Variants in KRT8 observed in about 807,000 individuals in gnomAD.
KRT8 encodes the protein keratin, type II cytoskeletal 8.
In KRT8, 24 loss-of-function variants were observed where a neutral mutation model predicts 43.0. That is an observed-to-expected ratio of 0.56 (90% CI 0.40 to 0.78). The LOEUF (loss-of-function observed/expected upper bound fraction) is 0.78. Ranked by LOEUF, KRT8 falls within the 30% of genes least tolerant of loss-of-function variation. The pLI is 0.00. For missense variants in KRT8, 492 were observed against 638.4 expected (o/e 0.77, Z 2.47); for synonymous variants, 214 against 261.2 (o/e 0.82, Z 1.74).
exon 8 of KRT8, chr12:52,897,541 C>T (rs757085789): frequency 8.3e-6 from 13 of 1,573,190 alleles, no homozygotes; most frequent in African/African-American, 6.7e-5. Flanking sequence ...CTGGAGCCCG[C>T]GCCAGAGCCA....
In KRT8 at chr12:52,949,169, A is replaced by C. The variant is rs758542679; in HGVS notation, c.-47+287T>G. The C allele has an allele frequency of 2.7e-5, 44 of 1,611,286 alleles. 2 individuals are homozygous for C. In the Middle Eastern group the frequency reaches 1.6e-3, roughly 58 times the overall value. On this transcript the variant is annotated intron_variant, in intron 2 of 6. Transcript: ENST00000546826. ...AGTCCTGTCCTTTCTCTCTCCCCGG[A>C]CAGCATGAGCTTCACCACTCGCTCC...
intron 2 of KRT8, among the ~76,000 whole-genome samples, chr12:52,944,942 G>T (rs897103082): frequency 6.6e-6 from 1 of 152,182 alleles, no homozygotes; most frequent in African/African-American, 2.4e-5. Context: ...CTGCTCCGCA[G>T]CTGCCTCTGA....
intron 2 of KRT8, among the ~76,000 whole-genome samples, chr12:52,923,885 C>T (rs1203813842): frequency 6.6e-6 from 1 of 151,646 alleles, no homozygotes; most frequent in Non-Finnish European, 1.5e-5. Flanking sequence ...CTCGCTCTCG[C>T]CCAGGCTGGA....
At chr12:52,931,696 C>G (rs1223118674) in intron 2 of KRT8, among the ~76,000 whole-genome samples, 9 of 150,568 alleles carry the variant, frequency 6.0e-5, no homozygotes, top group Non-Finnish European at 1.3e-4. Context: ...GAGTTTCGCT[C>G]TTGTTGCCCA....
At chr12:52,943,852 C>T (rs558703103) in intron 2 of KRT8, among the ~76,000 whole-genome samples, 1 of 152,222 alleles carries the variant, frequency 6.6e-6, no homozygotes, top group Non-Finnish European at 1.5e-5. Context: ...AAGAGGCTGA[C>T]AGAGACAGAG....
exon 8 of KRT8, chr12:52,897,542 G>T (rs745742383): frequency 6.3e-7 from 1 of 1,596,710 alleles, no homozygotes; most frequent in East Asian, 2.2e-5. Context: ...TGGAGCCCGC[G>T]CCAGAGCCAA....
chr12:52,948,658 A>AT (rs1194848315), intron 2 of KRT8: 14 of 342,130 alleles, frequency 4.1e-5, no homozygotes, highest in African/African-American at 2.1e-4. Flanking sequence ...CGTCCGGCTA[A>AT]TTTTTTGTAT....
At chr12:52,905,716 C>T (rs1205251782), upstream of KRT8, among the ~76,000 whole-genome samples, 1 of 78,090 alleles carries the variant, frequency 1.3e-5, no homozygotes, top group Non-Finnish European at 2.2e-5. Flanking sequence ...ATAAACATCA[C>T]ACGCGCACAC....
chr12:52,932,812 A>C (rs1942106204), intron 2 of KRT8, among the ~76,000 whole-genome samples: 1 of 152,186 alleles, frequency 6.6e-6, no homozygotes, highest in African/African-American at 2.4e-5. Flanking sequence ...TAATAAAAAA[A>C]AAACAAAAAC....
chr12:52,900,065 C>G lies in KRT8; in HGVS notation c.691G>C (p.Glu231Gln), dbSNP rs1941328354. ...ATCTGGGACTGCAGCTCCCGGATCT[C>G]CTGTGGGGGAAGAGGGCAAGTGGTG... The change falls in exon 5 of 8, where the codon GAG becomes CAG. Residue 231 changes from glutamate to glutamine, a missense_variant and splice_region_variant. Around this residue, in one of 3 missense-constraint regions of KRT8, gnomAD observed 389 missense variants for 485.7 expected, o/e 0.80. Transcript: ENST00000692008. 3 of 1,612,196 alleles carry G rather than the reference C, an allele frequency of 1.9e-6. No homozygotes were observed. The Admixed American group carries it at 5.0e-5, about 27-fold the overall frequency.
exon 6 of KRT8, chr12:52,898,709 T>C: frequency 6.2e-7 from 1 of 1,614,176 alleles, no homozygotes; most frequent in Non-Finnish European, 8.5e-7. Flanking sequence ...CAGCTTCCTG[T>C]AGGTGGCGAT....
chr12:52,932,130 G>A (rs1942095115), intron 2 of KRT8, among the ~76,000 whole-genome samples: 1 of 136,666 alleles, frequency 7.3e-6, no homozygotes, highest in African/African-American at 2.8e-5. Flanking sequence ...GTCTCACTCT[G>A]TCACCCAGGC....
chr12:52,899,684 C>A (rs1565716544), intron 5 of KRT8, 91 bp downstream of exon 5: 5 of 1,197,060 alleles, frequency 4.2e-6, no homozygotes, highest in Non-Finnish European at 6.0e-6. Context: ...GGATTCCTTC[C>A]CCGACTCCCA....
chr12:52,912,329 T>A (rs559376864), intron 2 of KRT8, among the ~76,000 whole-genome samples: 5 of 152,164 alleles, frequency 3.3e-5, no homozygotes, highest in Non-Finnish European at 7.4e-5. Context: ...GAGTCTCTGT[T>A]TTGCAACCCA....
At chr12:52,901,319 T>TA in intron 2 of KRT8, 100 bp from the exon 3 acceptor site, 1 of 860,758 alleles carries the variant, frequency 1.2e-6, no homozygotes, top group Non-Finnish European at 2.0e-6. Flanking sequence ...GAAAATTCAG[T>TA]TCACAGAGAT....
chr12:52,914,340 C>A (rs1365791982), intron 2 of KRT8, among the ~76,000 whole-genome samples: 1 of 152,088 alleles, frequency 6.6e-6, no homozygotes, highest in African/African-American at 2.4e-5. Flanking sequence ...AGTTCGAGAC[C>A]AGCCTGACCA....
chr12:52,944,597 G>A (rs1942315416), intron 2 of KRT8, among the ~76,000 whole-genome samples: 1 of 152,292 alleles, frequency 6.6e-6, no homozygotes, highest in South Asian at 2.1e-4. Context: ...GGGCCAGGGA[G>A]CTGAGGGGCT....
intron 2 of KRT8, among the ~76,000 whole-genome samples, chr12:52,937,683 G>C (rs1257681376): frequency 7.1e-6 from 1 of 140,094 alleles, no homozygotes; most frequent in African/African-American, 2.7e-5. Context: ...GTGAAACTCT[G>C]TCTCAAAAAA....
At chr12:52,927,389 G>A (rs748988321) in intron 2 of KRT8, among the ~76,000 whole-genome samples, 6 of 152,240 alleles carry the variant, frequency 3.9e-5, no homozygotes, top group Non-Finnish European at 5.9e-5. Context: ...TGGGGAAAGG[G>A]TGGGGAGCCT....
Sources: gnomAD v4.1 joint callset for allele counts (sites outside exome capture counted in the v4.1 genomes callset) on GRCh38, gnomAD v4.1.1 for gene constraint, gnomAD v4.1.1 regional missense constraint, MANE v1.5 for transcripts, NCBI Gene and HGNC (gene_info 2026-07-23, HGNC 2026-07-21) for gene names.